SLC4A1AP: variants seen among roughly 807,000 people sequenced by gnomAD.
SLC4A1AP encodes solute carrier family 4 member 1 adaptor protein.
In SLC4A1AP, 64 loss-of-function variants were observed where a neutral mutation model predicts 89.7. The observed-to-expected ratio is 0.71, with a 90% confidence interval of 0.58 to 0.88. The LOEUF is 0.88. Ranked by LOEUF, SLC4A1AP falls within the 40% of genes least tolerant of loss-of-function variation. The probability of loss-of-function intolerance (pLI) is 0.00; values close to 1 mark genes in which losing one functional copy is unlikely to be tolerated. For synonymous variants in SLC4A1AP, 366 were observed against 353.3 expected, an observed-to-expected ratio of 1.04 and a Z score of -0.40; for missense variants, 931 against 965.0, an observed-to-expected ratio of 0.96 and a Z score of 0.47.
At chr2:27,682,536 T>A (rs934212796) in intron 9 of SLC4A1AP, among the ~76,000 whole-genome samples, 177 bp downstream of exon 9, 8 of 151,090 alleles carry the variant, frequency 5.3e-5, no homozygotes, top group Admixed American at 2.6e-4. Flanking sequence ...TTTTTTTTTT[T>A]TTTTTTGGAG....
exon 6 of SLC4A1AP, chr2:27,675,690 T>C (rs778917995): frequency 4.5e-6 from 7 of 1,563,766 alleles, no homozygotes; most frequent in Non-Finnish European, 4.3e-6. Flanking sequence ...CTTTGAATCA[T>C]TGGCAAGTTT....
At chr2:27,691,469 T>C (rs1675786023) in intron 12 of SLC4A1AP, 1 of 152,124 alleles carries the variant, frequency 6.6e-6, no homozygotes, top group Non-Finnish European at 1.5e-5. Flanking sequence ...ATGAATTTAG[T>C]TTATCTTTTC....
At chr2:27,671,764 AG>A (rs1382978613) in intron 5 of SLC4A1AP, among the ~76,000 whole-genome samples, 1 of 152,212 alleles carries the variant, frequency 6.6e-6, no homozygotes, top group East Asian at 1.9e-4. Context: ...ACAACACTAG[AG>A]GGCATGGGTG....
At chr2:27,685,322 C>T in intron 10 of SLC4A1AP, 45 bp downstream of exon 10, 2 of 1,560,696 alleles carry the variant, frequency 1.3e-6, no homozygotes, top group Non-Finnish European at 8.6e-7. Context: ...TGGGCAGTTA[C>T]ATTGATTGTG....
Position 27,669,215 on chromosome 2 carries a change from T to G in SLC4A1AP, c.1206-33T>G, listed in dbSNP as rs199899617. ...TGTTTTCTTGAGAATTGGAGCTTAA[T>G]GCTGTGCTATAATTCCCACCAAATC... On this transcript the variant is annotated intron_variant, in intron 4 of 13. Coordinates refer to ENST00000613058, the Ensembl canonical transcript of SLC4A1AP. 1.9e-6 allele frequency: 3 copies of G among 1,576,458 alleles called. No individual in the cohort carries two copies. In the African/African-American group the frequency reaches 4.1e-5, roughly 22 times the overall value.
intron 13 of SLC4A1AP, 82 bp from the exon 14 acceptor site, chr2:27,694,552 G>A: frequency 1.0e-6 from 1 of 1,001,674 alleles, no homozygotes; most frequent in Non-Finnish European, 1.4e-6. Flanking sequence ...TTTACTTTTT[G>A]GCCTACTGAT....
intron 5 of SLC4A1AP, among the ~76,000 whole-genome samples, chr2:27,675,014 C>T (rs1177991627): frequency 2.0e-5 from 3 of 151,946 alleles, no homozygotes; most frequent in South Asian, 2.1e-4. Flanking sequence ...TTTTAAAAGC[C>T]GTTTGCTCAT....
At chr2:27,680,838 TAAAAAAA>T (rs766818052) in intron 8 of SLC4A1AP, among the ~76,000 whole-genome samples, 1 of 128,268 alleles carries the variant, frequency 7.8e-6, no homozygotes, top group African/African-American at 2.9e-5. Context: ...CAAGAAGAAT[TAAAAAAA>T]AAAAAAAACG....
chr2:27,682,462 A>C (rs1489349852), intron 9 of SLC4A1AP, 103 bp downstream of exon 9: 19 of 663,216 alleles, frequency 2.9e-5, no homozygotes, highest in Non-Finnish European at 4.7e-5. Flanking sequence ...TTCCATAGTA[A>C]TGTGAGAAAG....
chr2:27,682,413 A>G, intron 9 of SLC4A1AP, 54 bp downstream of exon 9: 1 of 1,112,644 alleles, frequency 9.0e-7, no homozygotes, highest in South Asian at 1.4e-5. Flanking sequence ...TCCCTGAGCT[A>G]ATTTTTCTCT....
Position 27,664,438 on chromosome 2 carries a change from CG to C in SLC4A1AP, c.689del (p.Gly230AlafsTer58). 1 of 1,614,224 alleles carries C rather than the reference CG, an allele frequency of 6.2e-7. No homozygotes were observed. Among genetic ancestry groups the C allele is most frequent in the African/African-American group, 1.3e-5 (1 of 75,068 alleles). ...GACGGAGAATGCGACAGCAACGGGC[CG>C]GGCTTCTACCTCTACGATCTGGGAA... On this transcript the variant is annotated frameshift_variant, in exon 1 of 14. Coordinates refer to ENST00000613058, the Ensembl canonical transcript of SLC4A1AP. LOFTEE classifies it high-confidence loss of function.
intron 8 of SLC4A1AP, among the ~76,000 whole-genome samples, chr2:27,679,902 T>C (rs1253667476): frequency 1.3e-5 from 2 of 152,106 alleles, no homozygotes; most frequent in East Asian, 3.9e-4. Flanking sequence ...GAAATCTATA[T>C]GGGAGTGAGG....
chr2:27,692,959 C>T (rs1406016631), intron 12 of SLC4A1AP: 2 of 147,812 alleles, frequency 1.4e-5, no homozygotes, highest in Non-Finnish European at 1.5e-5. Flanking sequence ...TTTATTGAGA[C>T]GGAATCTCGC....
exon 2 of SLC4A1AP, chr2:27,665,116 G>C: frequency 6.2e-7 from 1 of 1,611,662 alleles, no homozygotes; most frequent in Non-Finnish European, 8.5e-7. Context: ...GAGGAAGACC[G>C]AGAGGCAGAA....
exon 1 of SLC4A1AP, chr2:27,664,247 C>T (rs374088179): frequency 2.2e-5 from 36 of 1,614,216 alleles, no homozygotes; most frequent in South Asian, 1.8e-4. Context: ...CTGCCACAGC[C>T]CCCTACAGCT....
rs140682260 is a variant in SLC4A1AP, at chr2:27,686,116, A to G, written c.2116+839A>G. 1.3e-3 allele frequency among the ~76,000 whole-genome samples: 194 copies of G among 152,294 alleles called. 2 individuals are homozygous for G. Among genetic ancestry groups the G allele is most frequent in the African/African-American group, 4.5e-3 (189 of 41,554 alleles). On this transcript the variant is annotated intron_variant, in intron 10 of 13. Coordinates refer to ENST00000613058, the Ensembl canonical transcript of SLC4A1AP. Reference sequence around the variant, plus strand: ...ATGAGGAGAAACAATAAAAACTGGCACTGAATGTATGGGAATGCATGCATG... The same window carrying G: ...ATGAGGAGAAACAATAAAAACTGGCGCTGAATGTATGGGAATGCATGCATG...
chr2:27,686,185 G>C (rs1464069890), intron 10 of SLC4A1AP, among the ~76,000 whole-genome samples: 1 of 152,168 alleles, frequency 6.6e-6, no homozygotes, highest in Non-Finnish European at 1.5e-5. Context: ...AAAAACTCCA[G>C]GCCTGGTATG....
At chr2:27,670,515 C>T (rs1287755216) in intron 5 of SLC4A1AP, among the ~76,000 whole-genome samples, 1 of 152,006 alleles carries the variant, frequency 6.6e-6, no homozygotes, top group Non-Finnish European at 1.5e-5. Flanking sequence ...GTCTTCTTCC[C>T]TAAAGGCTTT....
intron 10 of SLC4A1AP, among the ~76,000 whole-genome samples, chr2:27,686,438 T>TAA (rs1675706338): frequency 6.6e-6 from 1 of 152,176 alleles, no homozygotes; most frequent in African/African-American, 2.4e-5. Context: ...AAAAATAGCT[T>TAA]AGATTTTGAA....
Sources: allele counts gnomAD v4.1 joint callset (sites outside exome capture counted in the v4.1 genomes callset), GRCh38; gene constraint gnomAD v4.1.1; transcripts MANE v1.5; gene names NCBI Gene and HGNC (gene_info 2026-07-23, HGNC 2026-07-21).